SLC26A7: variants seen among roughly 807,000 people sequenced by gnomAD.
The protein encoded by SLC26A7 is anion exchange transporter.
A neutral mutation model predicts 82.5 loss-of-function variants in SLC26A7; 59 were observed. The ratio of observed to expected loss-of-function variants is 0.72; its 90% confidence interval spans 0.58 to 0.89. The LOEUF (loss-of-function observed/expected upper bound fraction) is 0.89, where lower values mean the gene tolerates loss of function less well. Ranked by LOEUF, SLC26A7 falls within the 40% of genes least tolerant of loss-of-function variation. The pLI is 0.00. For synonymous variants in SLC26A7, 271 were observed against 274.3 expected, an observed-to-expected ratio of 0.99 and a Z score of 0.12; for missense variants, 820 against 793.0, an observed-to-expected ratio of 1.03 and a Z score of -0.41.
At chr8:91,256,925 C>T (rs958817348) in intron 2 of SLC26A7, among the ~76,000 whole-genome samples, 3 of 152,084 alleles carry the variant, frequency 2.0e-5, no homozygotes, top group African/African-American at 7.2e-5. Context: ...AACTGCCCTG[C>T]TCCATTCCTC....
intron 5 of SLC26A7, among the ~76,000 whole-genome samples, chr8:91,333,435 A>G (rs1813150145): frequency 1.3e-5 from 2 of 152,162 alleles, no homozygotes; most frequent in Non-Finnish European, 1.5e-5. Context: ...ACTTTTCAGG[A>G]AGTCATGCAC....
At chr8:91,393,453 T>C (rs532762168) in intron 16 of SLC26A7, among the ~76,000 whole-genome samples, 68 of 152,262 alleles carry the variant, frequency 4.5e-4, no homozygotes, top group African/African-American at 1.6e-3. Context: ...TGCAGCTTTC[T>C]TCACTTTCAC....
At chr8:91,283,771 A>G (rs1429465229) in intron 2 of SLC26A7, among the ~76,000 whole-genome samples, 1 of 152,212 alleles carries the variant, frequency 6.6e-6, no homozygotes, top group Non-Finnish European at 1.5e-5. Flanking sequence ...GAAATACTTA[A>G]GCTTTTGTCA....
chr8:91,362,570 A>G, intron 12 of SLC26A7, 111 bp downstream of exon 12: 1 of 685,306 alleles, frequency 1.5e-6, no homozygotes. Flanking sequence ...ATATAGTACT[A>G]CAATCTCATG....
intron 14 of SLC26A7, among the ~76,000 whole-genome samples, chr8:91,368,475 G>T (rs1814260216): frequency 6.6e-6 from 1 of 150,454 alleles, no homozygotes; most frequent in African/African-American, 2.5e-5. Flanking sequence ...CTGGAGTGCA[G>T]TGGCCCGATC....
At chr8:91,275,875 A>T (rs80048346) in intron 2 of SLC26A7, among the ~76,000 whole-genome samples, 1,796 of 152,152 alleles carry the variant, frequency 0.012, 30 homozygotes, top group African/African-American at 0.042. Context: ...AGAGTCAGGG[A>T]TTAGCGTTGT....
At chr8:91,315,747 G>A (rs1464680107) in intron 4 of SLC26A7, among the ~76,000 whole-genome samples, 1 of 152,128 alleles carries the variant, frequency 6.6e-6, no homozygotes, top group East Asian at 1.9e-4. Context: ...GTTAGAAAAT[G>A]TAGTGTGGCC....
intron 3 of SLC26A7, among the ~76,000 whole-genome samples, chr8:91,292,625 G>T (rs1350742115): frequency 6.6e-6 from 1 of 152,058 alleles, no homozygotes; most frequent in Non-Finnish European, 1.5e-5. Context: ...AATAAATTAT[G>T]TTAGAGGCAT....
intron 15 of SLC26A7, among the ~76,000 whole-genome samples, chr8:91,370,407 C>T (rs572298493): frequency 2.0e-5 from 3 of 151,744 alleles, no homozygotes; most frequent in Admixed American, 2.0e-4. Context: ...ACATTTGAAC[C>T]ACAAATTGAA....
intron 4 of SLC26A7, among the ~76,000 whole-genome samples, chr8:91,302,352 A>G (rs1201484597): frequency 1.3e-5 from 2 of 152,078 alleles, no homozygotes; most frequent in African/African-American, 4.8e-5. Context: ...TCTTTTAGGT[A>G]AGCTATATAT....
At chr8:91,372,326 G>A (rs550278988) in intron 15 of SLC26A7, among the ~76,000 whole-genome samples, 1 of 151,992 alleles carries the variant, frequency 6.6e-6, no homozygotes, top group South Asian at 2.1e-4. Flanking sequence ...GTCCAGAAGA[G>A]TTTTTCCTAG....
intron 15 of SLC26A7, among the ~76,000 whole-genome samples, chr8:91,388,579 G>A (rs1814867280): frequency 6.6e-6 from 1 of 152,176 alleles, no homozygotes; most frequent in South Asian, 2.1e-4. Context: ...TGCCTACAGT[G>A]GTGGGGGAAT....
chr8:91,358,691 T>A (rs192400337), intron 11 of SLC26A7, among the ~76,000 whole-genome samples: 1 of 152,230 alleles, frequency 6.6e-6, no homozygotes, highest in Non-Finnish European at 1.5e-5. Context: ...AACCCTAATG[T>A]CCAACATAGA....
intron 4 of SLC26A7, among the ~76,000 whole-genome samples, chr8:91,313,842 A>G (rs530671357): frequency 6.6e-6 from 1 of 152,332 alleles, no homozygotes; most frequent in African/African-American, 2.4e-5. Flanking sequence ...AGACTAACCA[A>G]CATAACCTAA....
chr8:91,343,575 T>C, intron 9 of SLC26A7, 109 bp downstream of exon 9: 2 of 677,716 alleles, frequency 3.0e-6, no homozygotes, highest in Admixed American at 3.0e-5. Flanking sequence ...TTTTCACTTA[T>C]TTAATTTTTT....
intron 13 of SLC26A7, among the ~76,000 whole-genome samples, 167 bp from the exon 14 acceptor site, chr8:91,366,413 A>C (rs1026781153): frequency 6.6e-5 from 10 of 152,280 alleles, no homozygotes; most frequent in African/African-American, 1.9e-4. Flanking sequence ...GGAAGTATAT[A>C]TTTCCCCTAA....
chr8:91,315,471 A>AAAT lies in SLC26A7; in HGVS notation c.478-2745_478-2744insAAT, dbSNP rs373426570. Among the ~76,000 whole-genome samples, 1,331 of 151,330 alleles carry AAAT rather than the reference A, an allele frequency of 8.8e-3. 12 individuals carry two copies. The highest frequency in any genetic ancestry group is 0.031 in the African/African-American group (1,256 of 41,008). ...CAAGAGCTGCCAAAAAAAAAAAAAAACACCATGTTCCACTTGTGCCCACAC... is the reference window on the plus strand; with the variant it reads ...CAAGAGCTGCCAAAAAAAAAAAAAAAAATCACCATGTTCCACTTGTGCCCACAC... On this transcript the variant is annotated intron_variant, in intron 4 of 18. Transcript: ENST00000276609.
chr8:91,378,274 C>A (rs1431615510), intron 15 of SLC26A7, among the ~76,000 whole-genome samples: 6 of 149,694 alleles, frequency 4.0e-5, no homozygotes, highest in African/African-American at 1.5e-4. Context: ...TATATAAGGT[C>A]ATATGGTATA....
chr8:91,357,376 T>C (rs1266959217), intron 11 of SLC26A7: 1 of 152,222 alleles, frequency 6.6e-6, no homozygotes, highest in Non-Finnish European at 1.5e-5. Flanking sequence ...ATGTTCTGGC[T>C]TCATTGATGC....
Sources: allele counts gnomAD v4.1 joint callset (sites outside exome capture counted in the v4.1 genomes callset), GRCh38; gene constraint gnomAD v4.1.1; transcripts MANE v1.5; gene names NCBI Gene and HGNC (gene_info 2026-07-23, HGNC 2026-07-21).